CACNA1G: variants seen among roughly 807,000 people sequenced by gnomAD.
The protein encoded by CACNA1G is voltage-dependent T-type calcium channel subunit alpha-1G.
Under a neutral mutation model 219.4 loss-of-function variants are expected in CACNA1G, and 67 were observed. That is an observed-to-expected ratio of 0.31 (90% confidence interval 0.25 to 0.37). The LOEUF (loss-of-function observed/expected upper bound fraction) is 0.37, where lower values mean the gene tolerates loss of function less well. CACNA1G is among the 10% of genes least tolerant of loss of function. The pLI is 1.00. For synonymous variants in CACNA1G, 1,296 were observed against 1,345.3 expected (o/e 0.96, Z 0.80); for missense variants, 2,380 against 3,231.4 (o/e 0.74, Z 6.39).
In CACNA1G at chr17:50,590,633, C is replaced by A. The variant is rs1465729103; in HGVS notation, c.2453+11C>A. 1.2e-6 allele frequency: 2 copies of A among 1,609,122 alleles called. No homozygotes were observed. Among genetic ancestry groups the A allele is most frequent in the Non-Finnish European group, 1.7e-6 (2 of 1,178,170 alleles). ...CATTGTGGTCATCAGGTATGACTAC[C>A]CCCCGGCACTGACTCTCAGTTGAGG... On this transcript the variant is annotated intron_variant, in intron 10 of 37. Coordinates refer to ENST00000359106, the MANE Select transcript of CACNA1G (RefSeq NM_018896.5).
rs867963041 is a variant in CACNA1G at position 50,609,802 on chromosome 17, T to C, written c.4706-80T>C. On this transcript the variant is annotated intron_variant, in intron 25 of 37. Transcript: ENST00000359106. ...CCCATAGGCAGAGTGAGGTGGGAGC[T>C]GAGGGGAAGCCGCCCCTGAGGGGCC... 1.7e-5 allele frequency: 22 copies of C among 1,295,006 alleles called. No homozygotes were observed. In the African/African-American group the frequency reaches 2.3e-4, roughly 14 times the overall value. The allele number at this position is 1,295,006 out of a possible 1,614,324, so 80.2% of individuals were successfully genotyped here.
At chr17:50,590,119 G>A (rs1363922901) in intron 9 of CACNA1G, among the ~76,000 whole-genome samples, 1 of 152,186 alleles carries the variant, frequency 6.6e-6, no homozygotes, top group Non-Finnish European at 1.5e-5. Context: ...GCTGGCCTGG[G>A]CCCGCTAGGC....
Position 50,627,437 on chromosome 17 carries a change from A to C in CACNA1G, c.*686A>C. The C allele has an allele frequency of 4.4e-6, 1 of 228,698 alleles. No individual in the cohort carries two copies. Among genetic ancestry groups the C allele is most frequent in the Non-Finnish European group, 8.5e-6 (1 of 117,080 alleles). The allele number at this position is 228,698 out of a possible 1,614,324, so 14.2% of individuals were successfully genotyped here. A position where few individuals can be genotyped will look rare whatever the true frequency, so the allele number is the denominator to read the frequency against. ...TACATACATATCTATCTATCTATCT[A>C]TATATATATAAAATAAAGTAATTTT... On this transcript the variant is annotated 3_prime_UTR_variant, in exon 38 of 38. Transcript: ENST00000359106.
chr17:50,617,960 G>T lies in CACNA1G; in HGVS notation c.5226+31G>T. On this transcript the variant is annotated intron_variant, in intron 30 of 37. Transcript: ENST00000359106. The surrounding 1 kb of genome is among the most constrained non-coding windows in gnomAD (Gnocchi z 5.8). ...CGGGAGGTGGGGGGCCTCTGGGGAG[G>T]GGGAGGTGCTTTCCAGAGGGAAGGG... 1 of 1,613,036 alleles carries T rather than the reference G, an allele frequency of 6.2e-7. No individual in the cohort carries two copies.
At chr17:50,610,001 A>T in intron 26 of CACNA1G, 66 bp downstream of exon 26, 1 of 1,478,766 alleles carries the variant, frequency 6.8e-7, no homozygotes, top group Non-Finnish European at 9.3e-7. Flanking sequence ...CCCGTGGCTC[A>T]TTGATTCTAT....
At chr17:50,576,749 A>G (rs2040753581) in intron 8 of CACNA1G, among the ~76,000 whole-genome samples, 1 of 152,210 alleles carries the variant, frequency 6.6e-6, no homozygotes, top group Non-Finnish European at 1.5e-5. Context: ...GACTTGCCCA[A>G]GGCTTTGCTA....
Position 50,618,170 on chromosome 17 carries a change from CA to C in CACNA1G, c.5305+45del. 6.2e-7 allele frequency: 1 copy of C among 1,612,870 alleles called. No individual in the cohort carries two copies. Among genetic ancestry groups the C allele is most frequent in the Non-Finnish European group, 8.5e-7 (1 of 1,179,128 alleles). ...GGGTGGAGGAGCCAGGGCTGGAGAC[CA>C]GGGGGCTCCTGGACTAACATGGGCC... On this transcript the variant is annotated intron_variant, in intron 31 of 37. Transcript: ENST00000359106. The surrounding 1 kb of genome is among the most constrained non-coding windows in gnomAD (Gnocchi z 5.3).
intron 22 of CACNA1G, among the ~76,000 whole-genome samples, chr17:50,604,615 C>A (rs892106367): frequency 6.6e-6 from 1 of 152,228 alleles, no homozygotes; most frequent in Non-Finnish European, 1.5e-5. Context: ...CTTCCCGGCT[C>A]GAGCACAGTG....
Position 50,568,885 on chromosome 17 carries a change from C to T in CACNA1G, c.258C>T (p.Ile86=). The T allele has an allele frequency of 1.9e-6, 3 of 1,613,712 alleles. No individual in the cohort carries two copies. The highest frequency in any genetic ancestry group is 1.7e-6 in the Non-Finnish European group (2 of 1,179,868). Residue 86 remains isoleucine (I), a synonymous_variant, in exon 2 of 38, where the codon ATC becomes ATT. Coordinates refer to ENST00000359106, the MANE Select transcript of CACNA1G (RefSeq NM_018896.5). ...CTGCCAGTACCTGGTTTGAGCGCAT[C>T]AGCATGTTGGTCATCCTTCTCAACT... ...RTVCNPWFER[I]SMLVILLNCV...
At chr17:50,575,258 T>C (rs1024953961) in intron 7 of CACNA1G, among the ~76,000 whole-genome samples, 1 of 152,156 alleles carries the variant, frequency 6.6e-6, no homozygotes, top group East Asian at 1.9e-4. Context: ...TCAATAGCAA[T>C]ATCTTGGAAT....
chr17:50,626,434 A>G lies in CACNA1G; in HGVS notation c.6817A>G (p.Ser2273Gly). The G allele has an allele frequency of 1.9e-6, 3 of 1,607,956 alleles. No homozygotes were observed. ...GCAGAGGAGACACTCTATCGCCGTCAGCTGCCTGGACAGCGGCTCCCAACC... is the reference window on the plus strand; with the variant it reads ...GCAGAGGAGACACTCTATCGCCGTCGGCTGCCTGGACAGCGGCTCCCAACC... ...DEQRRHSIAV[S>G]CLDSGSQPHL... The change falls in exon 38 of 38, where the codon AGC (serine) becomes GGC (glycine). Residue 2273 changes from serine (S) to glycine (G), a missense_variant. This residue lies in a region of CACNA1G where 672 missense variants were observed against 670.5 expected (regional missense o/e 1.00). Coordinates refer to ENST00000359106, the MANE Select transcript of CACNA1G (RefSeq NM_018896.5). This position sits in a 1 kb window ranked among gnomAD's most constrained non-coding sequence, Gnocchi z 4.3.
rs1039948524 is a variant in CACNA1G, at chr17:50,621,808, GCCCTC to G, written c.6060+15_6060+19del. The G allele has an allele frequency of 1.9e-6, 3 of 1,612,888 alleles. No individual in the cohort carries two copies. The highest frequency in any genetic ancestry group is 2.5e-6 in the Non-Finnish European group (3 of 1,179,730). ...CTGGAGAGCAATGTACATACACACT[GCCCTC>G]ACTGCTCCCGGCCACCCCCGGGGCT... is the stretch of plus-strand genomic sequence containing the variant. On this transcript the variant is annotated intron_variant, in intron 35 of 37. Transcript: ENST00000359106. The surrounding 1 kb of genome is among the most constrained non-coding windows in gnomAD (Gnocchi z 4.6).
intron 34 of CACNA1G, 91 bp downstream of exon 34, chr17:50,619,917 T>C (rs2051402645): frequency 1.5e-6 from 2 of 1,298,518 alleles, no homozygotes; most frequent in Non-Finnish European, 2.1e-6. Context: ...GGAGTGTTCC[T>C]GCCCACTGGG....
intron 7 of CACNA1G, 53 bp downstream of exon 7, chr17:50,573,166 G>T (rs146690441): frequency 1.5e-6 from 2 of 1,334,354 alleles, no homozygotes; most frequent in Non-Finnish European, 2.1e-6. Flanking sequence ...GGACACCTGT[G>T]GGGGCAGTCC....
In CACNA1G at chr17:50,592,028, C is replaced by T; in HGVS notation, c.2846C>T (p.Thr949Ile). The change falls in exon 13 of 38, where the codon ACC (threonine) becomes ATC (isoleucine). Residue 949 changes from threonine (T) to isoleucine (I), a missense_variant. Physicochemically the swap from Thr to Ile is moderately conservative, Grantham distance 89 (BLOSUM62 -1). Around this residue, in one of 17 missense-constraint regions of CACNA1G, gnomAD observed 43 missense variants for 139.4 expected, o/e 0.31. Coordinates refer to ENST00000359106, the MANE Select transcript of CACNA1G (RefSeq NM_018896.5). ...GCCCTTTATTTCATTGCCCTCATGA[C>T]CTTCGGCAACTACGTGCTCTTCAAT... Reference protein sequence around the residue: ...WAALYFIALMTFGNYVLFNLL... With the variant: ...WAALYFIALMIFGNYVLFNLL... 1 of 1,614,026 alleles carries T rather than the reference C, an allele frequency of 6.2e-7. No individual in the cohort carries two copies. The highest frequency in any genetic ancestry group is 8.5e-7 in the Non-Finnish European group (1 of 1,179,884).
Position 50,608,113 on chromosome 17 carries a change from G to A in CACNA1G, c.4705+94G>A, listed in dbSNP as rs2048333511. ...TGCGACTGCAGGGGGCTGGGCGCTGGGGCCGGGGGCAGGGAGAAGAGGCTC... is the reference window on the plus strand; with the variant it reads ...TGCGACTGCAGGGGGCTGGGCGCTGAGGCCGGGGGCAGGGAGAAGAGGCTC... On this transcript the variant is annotated intron_variant, in intron 25 of 37. Coordinates refer to ENST00000359106, the MANE Select transcript of CACNA1G (RefSeq NM_018896.5). 9 of 1,176,782 alleles carry A rather than the reference G, an allele frequency of 7.6e-6. No homozygotes were observed. In the East Asian group the frequency reaches 2.3e-4, roughly 30 times the overall value. The allele number at this position is 1,176,782 out of a possible 1,614,324, so 72.9% of individuals were successfully genotyped here. A position where few individuals can be genotyped will look rare whatever the true frequency, so the allele number is the denominator to read the frequency against.
rs773453344 is a variant in CACNA1G, at chr17:50,619,795, C to T, written c.5894C>T (p.Ser1965Phe). The change falls in exon 34 of 38, where the codon TCT becomes TTT. Residue 1965 changes from serine (S) to phenylalanine (F), a missense_variant. By Grantham distance (155) the Ser-to-Phe change is radical. Around this residue, in one of 17 missense-constraint regions of CACNA1G, gnomAD observed 672 missense variants for 670.5 expected, o/e 1.00. Transcript: ENST00000359106. Reference sequence around the variant, plus strand: ...GGGGGCCAGCCCTCTGCCTTCCCTTCTGCCCCCAGCCTGGGAGGCTCCGAC... The same window carrying T: ...GGGGGCCAGCCCTCTGCCTTCCCTTTTGCCCCCAGCCTGGGAGGCTCCGAC... ...GPGGQPSAFP[S>F]APSLGGSDPQ... 3.1e-6 allele frequency: 5 copies of T among 1,606,474 alleles called. No homozygotes were observed. Among genetic ancestry groups the T allele is most frequent in the East Asian group, 2.2e-5 (1 of 44,736 alleles).
In CACNA1G at chr17:50,561,089, CT is replaced by C. The variant is rs1275880276; in HGVS notation, c.-367del. ...ACCCCCGCCCTCCGCCGCTGCCCCC[CT>C]TTTCGTTCGCCCTCTCGGGGCGGCT... On this transcript the variant is annotated 5_prime_UTR_variant, in exon 1 of 38. Coordinates refer to ENST00000359106, the MANE Select transcript of CACNA1G (RefSeq NM_018896.5). 3 of 445,474 alleles carry C rather than the reference CT, an allele frequency of 6.7e-6. No homozygotes were observed. The highest frequency in any genetic ancestry group is 1.3e-5 in the Non-Finnish European group (3 of 230,652). 27.6% of individuals were successfully genotyped at this position (445,474 alleles called of 1,614,324 possible). A position where few individuals can be genotyped will look rare whatever the true frequency, so the allele number is the denominator to read the frequency against.
At chr17:50,572,514 A>G (rs1293365544) in intron 5 of CACNA1G, 40 bp from the exon 6 acceptor site, 1 of 1,469,444 alleles carries the variant, frequency 6.8e-7, no homozygotes, top group Admixed American at 2.4e-5. Flanking sequence ...TGGAGAGCCC[A>G]CTCCCCAGTC....
Sources: gnomAD v4.1 joint callset for allele counts (sites outside exome capture counted in the v4.1 genomes callset) on GRCh38, gnomAD v4.1.1 for gene constraint, gnomAD v4.1.1 regional missense constraint, Gnocchi (gnomAD v3.1) non-coding constraint, MANE v1.5 for transcripts, NCBI Gene and HGNC (gene_info 2026-07-23, HGNC 2026-07-21) for gene names.